Variants in TRPM3 observed in about 807,000 individuals in gnomAD.
TRPM3 encodes the protein long transient receptor potential channel 3.
TRPM3 carries 77 observed loss-of-function variants against 181.2 expected under a neutral mutation model. The observed-to-expected ratio is 0.42, with a 90% CI of 0.35 to 0.51. The LOEUF (loss-of-function observed/expected upper bound fraction) is 0.51, where lower values mean the gene tolerates loss of function less well. Among genes scored for constraint, TRPM3 ranks in the 20% least tolerant of loss-of-function variants. The pLI is 0.01. For missense variants in TRPM3, 1,759 were observed against 2,196.7 expected (o/e 0.80, Z 3.98); for synonymous variants, 745 against 796.4 (o/e 0.94, Z 1.09).
At chr9:71,330,784 G>A (rs922356658) in intron 1 of TRPM3, among the ~76,000 whole-genome samples, 1 of 151,780 alleles carries the variant, frequency 6.6e-6, no homozygotes, top group African/African-American at 2.4e-5. Context: ...AGATGACCAT[G>A]AGAAGGATTC....
intron 25 of TRPM3, among the ~76,000 whole-genome samples, chr9:70,548,027 C>T (rs1046811530): frequency 2.0e-5 from 3 of 152,074 alleles, no homozygotes; most frequent in African/African-American, 7.2e-5. Context: ...ACTCTTTTTT[C>T]CCTACCTCTC....
At chr9:71,051,077 G>A (rs1299992501) in intron 1 of TRPM3, among the ~76,000 whole-genome samples, 1 of 152,206 alleles carries the variant, frequency 6.6e-6, no homozygotes. Flanking sequence ...TAGGGGAAAA[G>A]AGGGAGATGA....
At position 70,670,844 on chromosome 9, in the gene TRPM3, T is replaced by G. The variant is rs1397952828; in HGVS notation, c.1345+10662A>C. Among the ~76,000 whole-genome samples, 5 of 152,226 alleles carry G rather than the reference T, an allele frequency of 3.3e-5. No individual in the cohort carries two copies. In the East Asian group the frequency reaches 9.7e-4, roughly 29 times the overall value. On this transcript the variant is annotated intron_variant, in intron 9 of 25. Coordinates refer to ENST00000677713, the MANE Select transcript of TRPM3 (RefSeq NM_001366145.2). ...CATGTGTCCCTTATATCAAACCATA[T>G]GGGAGAGGTTTAATTGATTTCCCTT...
chr9:71,241,830 G>A (rs1036676814), intron 1 of TRPM3, among the ~76,000 whole-genome samples: 3 of 152,146 alleles, frequency 2.0e-5, no homozygotes, highest in Non-Finnish European at 2.9e-5. Context: ...ACTTTACAAT[G>A]AAAGGTTTAA....
chr9:71,169,709 C>T (rs1039879718), intron 1 of TRPM3, among the ~76,000 whole-genome samples: 1 of 152,004 alleles, frequency 6.6e-6, no homozygotes, highest in Non-Finnish European at 1.5e-5. Flanking sequence ...AATCCCAGCA[C>T]TTTGGGAGGC....
At chr9:70,922,752 T>G (rs936796951) in intron 1 of TRPM3, among the ~76,000 whole-genome samples, 9 of 152,162 alleles carry the variant, frequency 5.9e-5, no homozygotes, top group African/African-American at 2.2e-4. Context: ...GCTTACTCAT[T>G]TTTATTTGAT....
At chr9:71,412,185 T>C (rs1018617127) in intron 1 of TRPM3, among the ~76,000 whole-genome samples, 174 of 152,284 alleles carry the variant, frequency 1.1e-3, no homozygotes, top group African/African-American at 4.1e-3. Context: ...GACATAGGAA[T>C]GGGCAAGGAC....
intron 9 of TRPM3, among the ~76,000 whole-genome samples, chr9:70,643,681 G>A (rs1431548042): frequency 2.0e-5 from 3 of 152,154 alleles, no homozygotes; most frequent in Non-Finnish European, 4.4e-5. Context: ...CCTAGTGGCT[G>A]GTCACCCTAT....
intron 22 of TRPM3, among the ~76,000 whole-genome samples, chr9:70,558,797 G>A (rs2048355092): frequency 6.6e-6 from 1 of 152,196 alleles, no homozygotes; most frequent in East Asian, 1.9e-4. Flanking sequence ...CTACATCTAT[G>A]CAGCAGTGGC....
chr9:71,401,182 A>C (rs1305439767), intron 1 of TRPM3, among the ~76,000 whole-genome samples: 1 of 135,446 alleles, frequency 7.4e-6, no homozygotes, highest in East Asian at 2.2e-4. Context: ...TAAGGGTCAA[A>C]GTGAGACACC....
chr9:71,107,841 T>G (rs920519341), intron 1 of TRPM3, among the ~76,000 whole-genome samples: 7 of 152,154 alleles, frequency 4.6e-5, no homozygotes, highest in African/African-American at 1.7e-4. Flanking sequence ...TCATAAAAAT[T>G]TTTTACCCCA....
intron 1 of TRPM3, among the ~76,000 whole-genome samples, chr9:70,867,452 T>C (rs1339244719): frequency 6.6e-6 from 1 of 152,096 alleles, no homozygotes; most frequent in Non-Finnish European, 1.5e-5. Context: ...AAAAGTAATT[T>C]AATTTGTGTG....
At chr9:70,921,649 T>C (rs1473484295) in intron 1 of TRPM3, among the ~76,000 whole-genome samples, 2 of 152,220 alleles carry the variant, frequency 1.3e-5, no homozygotes, top group Admixed American at 6.5e-5. Flanking sequence ...GGGAAGGTTG[T>C]ACAGAGAGTG....
chr9:70,891,039 G>T (rs890706164), intron 1 of TRPM3, among the ~76,000 whole-genome samples: 2 of 151,936 alleles, frequency 1.3e-5, no homozygotes, highest in South Asian at 4.1e-4. Flanking sequence ...GGAGAGGGGG[G>T]AGGGATAACA....
chr9:71,206,194 T>G (rs570428585), intron 1 of TRPM3, among the ~76,000 whole-genome samples: 26 of 152,332 alleles, frequency 1.7e-4, no homozygotes, highest in African/African-American at 6.3e-4. Flanking sequence ...ATGGTTGAAC[T>G]AATTTACACT....
At position 70,534,461 on chromosome 9, in the gene TRPM3, C is replaced by T. The variant is rs1347164247; in HGVS notation, c.*1492G>A. ...TATACTTCAAGGTGATAGAAAAGTC[C>T]AAGCCTCTTAAGAAAGCTCTTTATG... On this transcript the variant is annotated 3_prime_UTR_variant, in exon 26 of 26. Transcript: ENST00000677713. The T allele has an allele frequency of 6.6e-6, 1 of 152,018 alleles. No homozygotes were observed. Among genetic ancestry groups the T allele is most frequent in the East Asian group, 1.9e-4 (1 of 5,188 alleles). 9.4% of individuals were successfully genotyped at this position (152,018 alleles called of 1,614,324 possible).
At chr9:71,264,792 C>T (rs1228551577) in intron 1 of TRPM3, among the ~76,000 whole-genome samples, 3 of 152,134 alleles carry the variant, frequency 2.0e-5, no homozygotes, top group Non-Finnish European at 4.4e-5. Flanking sequence ...CCTCCCTCAC[C>T]TTAAGCATCA....
In TRPM3 at chr9:71,334,586, A is replaced by G. The variant is rs187000264; in HGVS notation, c.183+112067T>C. 6.6e-5 allele frequency among the ~76,000 whole-genome samples: 10 copies of G among 152,182 alleles called. No homozygotes were observed. In the East Asian group the frequency reaches 1.9e-3, roughly 29 times the overall value. On this transcript the variant is annotated intron_variant, in intron 1 of 24. Coordinates refer to the TRPM3 transcript ENST00000357533. ...ATCATTTCTAAGAGAATGAATCCCA[A>G]ATAGCCATTTCTATCTCTGGCCACA...
intron 1 of TRPM3, among the ~76,000 whole-genome samples, chr9:71,190,518 AG>A (rs1465222846): frequency 6.6e-6 from 1 of 151,916 alleles, no homozygotes; most frequent in Non-Finnish European, 1.5e-5. Context: ...AAAACATAGA[AG>A]TCTTTCAGGT....
Sources: allele counts gnomAD v4.1 joint callset (sites outside exome capture counted in the v4.1 genomes callset), GRCh38; gene constraint gnomAD v4.1.1; transcripts MANE v1.5; gene names NCBI Gene and HGNC (gene_info 2026-07-23, HGNC 2026-07-21).